The following LRIG1 variants were observed in gnomAD, a reference collection of about 807,000 sequenced individuals.
The protein encoded by LRIG1 is leucine rich repeats and immunoglobulin like domains 1.
LRIG1 carries 48 observed loss-of-function variants against 99.2 expected under a neutral mutation model. The observed-to-expected ratio is 0.48, with a 90% CI of 0.38 to 0.62. LRIG1 has a LOEUF of 0.62. Ranked by LOEUF, LRIG1 falls within the 20% of genes least tolerant of loss-of-function variation. The pLI is 0.00. For synonymous variants in LRIG1, 772 were observed against 596.1 expected, an observed-to-expected ratio of 1.29 and a Z score of -4.30; for missense variants, 1,646 against 1,434.4, an observed-to-expected ratio of 1.15 and a Z score of -2.38.
intron 1 of LRIG1, among the ~76,000 whole-genome samples, chr3:66,498,680 T>C (rs2106945528): frequency 6.6e-6 from 1 of 152,266 alleles, no homozygotes; most frequent in South Asian, 2.1e-4. Flanking sequence ...ACAAAAGCTC[T>C]GCCTCCACCC....
intron 3 of LRIG1, among the ~76,000 whole-genome samples, chr3:66,443,824 C>T (rs1646182668): frequency 6.6e-6 from 1 of 152,380 alleles, no homozygotes; most frequent in East Asian, 1.9e-4. Context: ...CCAGCTGAGA[C>T]TTCCTCCACA....
At chr3:66,489,471 A>G in intron 1 of LRIG1, among the ~76,000 whole-genome samples, 1 of 152,084 alleles carries the variant, frequency 6.6e-6, no homozygotes, top group South Asian at 2.1e-4. Flanking sequence ...ATAGTGAGCC[A>G]TGATTGCGCC....
At chr3:66,399,174 A>G in intron 9 of LRIG1, 133 bp from the exon 10 acceptor site, 1 of 728,922 alleles carries the variant, frequency 1.4e-6, no homozygotes, top group East Asian at 2.7e-5. Context: ...AGTGAGGGGC[A>G]GGTGGAAAGC....
chr3:66,415,143 G>A, intron 4 of LRIG1, 80 bp from the exon 5 acceptor site: 3 of 1,426,060 alleles, frequency 2.1e-6, no homozygotes, highest in Non-Finnish European at 2.8e-6. Flanking sequence ...ACCTCTCTGG[G>A]TCTGAGTTGG....
chr3:66,439,730 T>C (rs1281406932), intron 3 of LRIG1, among the ~76,000 whole-genome samples: 5 of 152,138 alleles, frequency 3.3e-5, no homozygotes, highest in Admixed American at 2.0e-4. Context: ...CAAATGACAG[T>C]TGGGTGGGCT....
At chr3:66,499,702 C>G (rs1363275516) in intron 1 of LRIG1, among the ~76,000 whole-genome samples, 2 of 152,272 alleles carry the variant, frequency 1.3e-5, no homozygotes, top group African/African-American at 4.8e-5. Flanking sequence ...CTGGACCCAA[C>G]AGTCACCTTC....
chr3:66,463,764 G>C (rs563873277), intron 1 of LRIG1, among the ~76,000 whole-genome samples: 7 of 152,190 alleles, frequency 4.6e-5, no homozygotes, highest in Non-Finnish European at 1.0e-4. Context: ...AAAGTGTCAC[G>C]TATTGTGGCA....
intron 11 of LRIG1, 53 bp downstream of exon 11, chr3:66,398,059 A>C: frequency 7.1e-7 from 1 of 1,399,492 alleles, no homozygotes; most frequent in Non-Finnish European, 1.0e-6. Flanking sequence ...GAAGTTTCTT[A>C]CTCTGAAAGT....
intron 9 of LRIG1, among the ~76,000 whole-genome samples, chr3:66,403,517 T>A (rs991326761): frequency 6.6e-6 from 1 of 152,034 alleles, no homozygotes; most frequent in East Asian, 1.9e-4. Flanking sequence ...AACAACATTA[T>A]GTGAGTGAGG....
rs1467441000 is a variant in LRIG1, at chr3:66,380,558, G to C, written c.3055+19C>G. 16 of 1,613,324 alleles carry C rather than the reference G, an allele frequency of 9.9e-6. No homozygotes were observed. In the Admixed American group the frequency reaches 1.7e-4, roughly 17 times the overall value. On this transcript the variant is annotated intron_variant, in intron 18 of 18. Coordinates refer to ENST00000273261, the MANE Select transcript of LRIG1 (RefSeq NM_015541.3). ...TAAGCAGCTCCCAACCCACCTGTTA[G>C]AAGACAGTCAAAAGTTACCTTTCCC...
At chr3:66,495,586 C>G (rs1264328517) in intron 1 of LRIG1, among the ~76,000 whole-genome samples, 1 of 152,224 alleles carries the variant, frequency 6.6e-6, no homozygotes, top group Non-Finnish European at 1.5e-5. Flanking sequence ...GACTCTGATA[C>G]AACCAACATC....
intron 1 of LRIG1, among the ~76,000 whole-genome samples, chr3:66,489,360 C>CA (rs1440595968): frequency 1.3e-5 from 2 of 152,004 alleles, no homozygotes; most frequent in Non-Finnish European, 2.9e-5. Flanking sequence ...CCCATCTTCA[C>CA]AAAAAATAAA....
At chr3:66,383,534 T>G in intron 14 of LRIG1, 133 bp from the exon 15 acceptor site, 1 of 824,276 alleles carries the variant, frequency 1.2e-6, no homozygotes, top group Non-Finnish European at 1.8e-6. Context: ...AGTGGCAAGC[T>G]TTGGAGAAGA....
intron 1 of LRIG1, among the ~76,000 whole-genome samples, chr3:66,499,891 G>A (rs986705794): frequency 3.6e-5 from 4 of 111,920 alleles, no homozygotes; most frequent in Non-Finnish European, 5.2e-5. Context: ...ACCCCCAGAT[G>A]GCCCGCACGA....
At chr3:66,405,958 G>A (rs933763482) in intron 8 of LRIG1, 1 of 997,162 alleles carries the variant, frequency 1.0e-6, no homozygotes, top group African/African-American at 1.7e-5. Flanking sequence ...TCCAGGAGCA[G>A]GTCACAGTGC....
At chr3:66,407,959 T>C (rs1702333573) in intron 7 of LRIG1, among the ~76,000 whole-genome samples, 1 of 152,212 alleles carries the variant, frequency 6.6e-6, no homozygotes, top group Non-Finnish European at 1.5e-5. Context: ...CACTAGCCCC[T>C]GCGTGGGACA....
At chr3:66,384,551 A>G (rs140703875) in intron 13 of LRIG1, among the ~76,000 whole-genome samples, 1 of 152,088 alleles carries the variant, frequency 6.6e-6, no homozygotes, top group African/African-American at 2.4e-5. Flanking sequence ...CAGTGCCTAT[A>G]CGGGAGTTGC....
intron 2 of LRIG1, among the ~76,000 whole-genome samples, chr3:66,452,911 A>G (rs1018382128): frequency 4.6e-5 from 7 of 152,226 alleles, no homozygotes; most frequent in African/African-American, 1.7e-4. Flanking sequence ...GATCCGTATC[A>G]TGTGGCAAAT....
chr3:66,447,646 C>A (rs1301017179), intron 3 of LRIG1, among the ~76,000 whole-genome samples: 1 of 152,136 alleles, frequency 6.6e-6, no homozygotes, highest in Non-Finnish European at 1.5e-5. Context: ...CAAGGCCAAC[C>A]CTATGGGTAA....
Sources: gnomAD v4.1 joint callset for allele counts (sites outside exome capture counted in the v4.1 genomes callset) on GRCh38, gnomAD v4.1.1 for gene constraint, MANE v1.5 for transcripts, NCBI Gene and HGNC (gene_info 2026-07-23, HGNC 2026-07-21) for gene names.